CCDC88C: variants seen among roughly 807,000 people sequenced by gnomAD.
CCDC88C encodes protein Daple.
A neutral mutation model predicts 198.8 loss-of-function variants in CCDC88C; 131 were observed. The observed-to-expected ratio is 0.66, with a 90% CI of 0.57 to 0.76. The LOEUF (loss-of-function observed/expected upper bound fraction) is 0.76, where lower values mean the gene tolerates loss of function less well. Ranked by LOEUF, CCDC88C falls within the 30% of genes least tolerant of loss-of-function variation. CCDC88C has a pLI of 0.00. For missense variants in CCDC88C, 2,553 were observed against 2,631.6 expected, an observed-to-expected ratio of 0.97 and a Z score of 0.65; for synonymous variants, 1,166 against 1,114.7, an observed-to-expected ratio of 1.05 and a Z score of -0.92.
In CCDC88C at chr14:91,272,554, A is replaced by G. The variant is rs1424292540; in HGVS notation, c.*71T>C. ...CCCTCTCCTGGCACCGCAGGCAAGC[A>G]AGAGAAAAGGCCGTGAGAGTCGGAA... On this transcript the variant is annotated 3_prime_UTR_variant, in exon 30 of 30. Transcript: ENST00000389857. 52 of 1,483,872 alleles carry G rather than the reference A, an allele frequency of 3.5e-5. No homozygotes were observed. Among genetic ancestry groups the G allele is most frequent in the Non-Finnish European group, 4.7e-5 (52 of 1,100,990 alleles). The allele number at this position is 1,483,872 out of a possible 1,614,324, so 91.9% of individuals were successfully genotyped here.
At chr14:91,330,874 G>A (rs1194959501) in intron 10 of CCDC88C, among the ~76,000 whole-genome samples, 11 of 152,108 alleles carry the variant, frequency 7.2e-5, no homozygotes, top group East Asian at 3.9e-4. Flanking sequence ...AAGGGAAGGC[G>A]GCAGGGCAGG....
At position 91,278,225 on chromosome 14, in the gene CCDC88C, C is replaced by T; in HGVS notation, c.4769-14G>A. On this transcript the variant is annotated splice_polypyrimidine_tract_variant and intron_variant, in intron 28 of 29. Transcript: ENST00000389857. ...GCTCGGAGGAGCCTGGGTGTCAGGG[C>T]AGGAGACAGAGGACCCTCATCAGTC... 1 of 1,581,304 alleles carries T rather than the reference C, an allele frequency of 6.3e-7. No individual in the cohort carries two copies. The highest frequency in any genetic ancestry group is 8.6e-7 in the Non-Finnish European group (1 of 1,160,076).
Position 91,338,413 on chromosome 14 carries a change from T to C in CCDC88C, c.891+76A>G. ...CTTAAAAGCGCTGCTGTTGAGCTCC[T>C]GACCCTCCAGGCCCCGTTACTGGAC... On this transcript the variant is annotated intron_variant, in intron 9 of 29. Transcript: ENST00000389857. This position sits in a 1 kb window ranked among gnomAD's most constrained non-coding sequence, Gnocchi z 4.8. The C allele has an allele frequency of 7.6e-7, 1 of 1,313,996 alleles. No individual in the cohort carries two copies. Among genetic ancestry groups the C allele is most frequent in the Admixed American group, 2.0e-5 (1 of 50,610 alleles). 81.4% of individuals were successfully genotyped at this position (1,313,996 alleles called of 1,614,324 possible).
chr14:91,331,242 T>C (rs1264561471), intron 10 of CCDC88C, among the ~76,000 whole-genome samples: 2 of 151,872 alleles, frequency 1.3e-5, no homozygotes, highest in Non-Finnish European at 1.5e-5. Context: ...CGGAGGAAAG[T>C]GGAAAGGTCT....
intron 1 of CCDC88C, 125 bp from the exon 2 acceptor site, chr14:91,416,963 C>A: frequency 1.4e-6 from 1 of 703,110 alleles, no homozygotes; most frequent in Non-Finnish European, 2.5e-6. Flanking sequence ...CACGCCCACA[C>A]CACCCTTCAG....
chr14:91,389,725 T>TAA (rs537888866), intron 3 of CCDC88C, among the ~76,000 whole-genome samples: 5,201 of 99,276 alleles, frequency 0.052, 229 homozygotes, highest in African/African-American at 0.13. Flanking sequence ...ATTTAAAAAA[T>TAA]AAAAAAAAAA....
rs372621845 is a variant in CCDC88C at position 91,313,208 on chromosome 14, G to T, written c.2608C>A (p.Arg870Ser). Reference sequence around the variant, plus strand: ...CGGGCCAGCTCCTTGTCCAGCGCGCGGCTCTCCTTCTCAACGGCGGACAGT... The same window carrying T: ...CGGGCCAGCTCCTTGTCCAGCGCGCTGCTCTCCTTCTCAACGGCGGACAGT... ...AKLSAVEKES[R>S]ALDKELARCR... The change falls in exon 15 of 30, where the codon CGC becomes AGC. Residue 870 changes from arginine to serine, a missense_variant. Arg to Ser is a moderately radical substitution (Grantham distance 110). Coordinates refer to ENST00000389857, the MANE Select transcript of CCDC88C (RefSeq NM_001080414.4). This position sits in a 1 kb window ranked among gnomAD's most constrained non-coding sequence, Gnocchi z 5.2. The T allele has an allele frequency of 6.2e-7, 1 of 1,613,760 alleles. No individual in the cohort carries two copies. Among genetic ancestry groups the T allele is most frequent in the African/African-American group, 1.3e-5 (1 of 74,920 alleles).
intron 3 of CCDC88C, among the ~76,000 whole-genome samples, chr14:91,374,674 C>T (rs1457062941): frequency 1.3e-5 from 2 of 152,200 alleles, no homozygotes; most frequent in Admixed American, 6.5e-5. Context: ...GTGGCCCAAC[C>T]GACCTTTGAG....
At chr14:91,373,622 T>C (rs1894932339) in intron 3 of CCDC88C, among the ~76,000 whole-genome samples, 1 of 152,168 alleles carries the variant, frequency 6.6e-6, no homozygotes, top group Non-Finnish European at 1.5e-5. Context: ...CAAGAAACTC[T>C]CTATTCTATC....
At chr14:91,278,960 A>G (rs1314577701) in intron 28 of CCDC88C, among the ~76,000 whole-genome samples, 1 of 125,498 alleles carries the variant, frequency 8.0e-6, no homozygotes, top group Non-Finnish European at 1.6e-5. Context: ...GGAATGCAGT[A>G]GCATGATCAC....
At chr14:91,397,492 TCACA>T (rs967778042) in intron 3 of CCDC88C, among the ~76,000 whole-genome samples, 10 of 152,114 alleles carry the variant, frequency 6.6e-5, no homozygotes, top group African/African-American at 2.4e-4. Context: ...ACACTCATAC[TCACA>T]CACACACATT....
At chr14:91,370,702 G>C (rs533816280) in intron 3 of CCDC88C, among the ~76,000 whole-genome samples, 1 of 152,118 alleles carries the variant, frequency 6.6e-6, no homozygotes, top group Admixed American at 6.6e-5. Context: ...GTGATGCCTC[G>C]GCAACCACAG....
At chr14:91,350,808 C>T (rs1011674994) in intron 4 of CCDC88C, among the ~76,000 whole-genome samples, 5 of 152,200 alleles carry the variant, frequency 3.3e-5, no homozygotes, top group Non-Finnish European at 7.3e-5. Flanking sequence ...CTGCCCTTCC[C>T]TCCTACAGAC....
chr14:91,367,485 C>T (rs981065608), intron 3 of CCDC88C, among the ~76,000 whole-genome samples: 4 of 152,306 alleles, frequency 2.6e-5, no homozygotes, highest in Non-Finnish European at 2.9e-5. Context: ...TTCCCTGGTG[C>T]CCAAAGCCGG....
Position 91,321,288 on chromosome 14 carries a change from A to T in CCDC88C, c.1359T>A (p.Phe453Leu), listed in dbSNP as rs1892345400. ...ADLSDASRKSFVFELNECASS... is the reference protein window; with the variant it reads ...ADLSDASRKSLVFELNECASS... ...ACGCACATTCGTTCAGCTCAAACACAAACGACTTCCTGGAGGCTGAAGACA... is the reference window on the plus strand; with the variant it reads ...ACGCACATTCGTTCAGCTCAAACACTAACGACTTCCTGGAGGCTGAAGACA... The change falls in exon 13 of 30, where the codon TTT becomes TTA. Residue 453 changes from phenylalanine (F) to leucine (L), a missense_variant. By Grantham distance (22) the Phe-to-Leu change is conservative (BLOSUM62 0). This residue lies in a region of CCDC88C where 1,260 missense variants were observed against 1,412.0 expected (regional missense o/e 0.89). Coordinates refer to ENST00000389857, the MANE Select transcript of CCDC88C (RefSeq NM_001080414.4). 1 of 1,557,600 alleles carries T rather than the reference A, an allele frequency of 6.4e-7. No individual in the cohort carries two copies. Among genetic ancestry groups the T allele is most frequent in the Non-Finnish European group, 8.7e-7 (1 of 1,150,244 alleles).
chr14:91,401,397 C>G (rs576136900), intron 3 of CCDC88C, among the ~76,000 whole-genome samples: 1 of 148,702 alleles, frequency 6.7e-6, no homozygotes, highest in Non-Finnish European at 1.5e-5. Context: ...TGTAGCGGCA[C>G]GATCTTGGCT....
At chr14:91,335,734 C>T (rs527295392) in intron 10 of CCDC88C, among the ~76,000 whole-genome samples, 1 of 152,290 alleles carries the variant, frequency 6.6e-6, no homozygotes, top group South Asian at 2.1e-4. Context: ...CACTCACAAT[C>T]GGAAAGGTTT....
At chr14:91,384,273 CTTTT>C (rs3029466) in intron 3 of CCDC88C, 1,872 of 295,414 alleles carry the variant, frequency 6.3e-3, no homozygotes, top group Middle Eastern at 0.012. Flanking sequence ...CCCCATCTCT[CTTTT>C]TTTTTTTTTT....
intron 25 of CCDC88C, among the ~76,000 whole-genome samples, chr14:91,286,323 A>G (rs1378479434): frequency 1.3e-5 from 2 of 152,212 alleles, no homozygotes; most frequent in African/African-American, 4.8e-5. Context: ...CTCTACCTGA[A>G]GTATTCACTA....
Sources: gnomAD v4.1 joint callset for allele counts (sites outside exome capture counted in the v4.1 genomes callset) on GRCh38, gnomAD v4.1.1 for gene constraint, gnomAD v4.1.1 regional missense constraint, Gnocchi (gnomAD v3.1) non-coding constraint, MANE v1.5 for transcripts, NCBI Gene and HGNC (gene_info 2026-07-23, HGNC 2026-07-21) for gene names.